PATJ: variants seen among roughly 807,000 people sequenced by gnomAD.
The protein encoded by PATJ is inaD-like protein.
Under a neutral mutation model 224.9 loss-of-function variants are expected in PATJ, and 190 were observed. The ratio of observed to expected loss-of-function variants is 0.84; its 90% CI spans 0.75 to 0.95. The LOEUF is 0.95. PATJ is among the 40% of genes least tolerant of loss of function. PATJ has a pLI of 0.00. For synonymous variants in PATJ, 769 were observed against 820.3 expected, an observed-to-expected ratio of 0.94 and a Z score of 1.07; for missense variants, 2,121 against 2,270.3, an observed-to-expected ratio of 0.93 and a Z score of 1.34.
intron 27 of PATJ, among the ~76,000 whole-genome samples, chr1:61,986,566 C>T (rs1359982171): frequency 1.3e-5 from 2 of 152,032 alleles, no homozygotes; most frequent in Non-Finnish European, 1.5e-5. Context: ...ATTATAGGCG[C>T]GTGCCGCTAT....
chr1:61,747,681 A>G (rs923855682), intron 1 of PATJ, among the ~76,000 whole-genome samples: 1 of 152,186 alleles, frequency 6.6e-6, no homozygotes, highest in African/African-American at 2.4e-5. Flanking sequence ...TAGAGACCAT[A>G]TGAGCTGAAC....
At chr1:61,797,889 G>T (rs1167646893) in intron 11 of PATJ, among the ~76,000 whole-genome samples, 2 of 150,856 alleles carry the variant, frequency 1.3e-5, no homozygotes, top group East Asian at 3.9e-4. Flanking sequence ...TGCAACCTCT[G>T]CCTCCTGGGT....
At chr1:62,057,514 G>A (rs934736979) in intron 31 of PATJ, among the ~76,000 whole-genome samples, 2 of 152,192 alleles carry the variant, frequency 1.3e-5, no homozygotes, top group Admixed American at 6.5e-5. Context: ...CAGAGCGGAC[G>A]CTGATGCCCT....
rs770561185 is a variant in PATJ, at chr1:61,748,475, C to G, written c.-36+5920C>G. On this transcript the variant is annotated intron_variant, in intron 1 of 43. Coordinates refer to ENST00000642238, the MANE Select transcript of PATJ (RefSeq NM_001350145.3). ...TTCACCATGTTGGCCAGGCTGGTCT[C>G]GAACTCCTGACCTCAAGTGATACGC... 4.4e-4 allele frequency among the ~76,000 whole-genome samples: 66 copies of G among 150,896 alleles called. 1 individual carries two copies. The highest frequency in any genetic ancestry group is 5.9e-4 in the Non-Finnish European group (40 of 67,826).
At chr1:62,097,517 C>T (rs768648509) in intron 33 of PATJ, among the ~76,000 whole-genome samples, 17 of 152,120 alleles carry the variant, frequency 1.1e-4, no homozygotes, top group Admixed American at 2.6e-4. Context: ...GATGAAACAG[C>T]ATGTGGAGAG....
chr1:61,847,090 T>C lies in PATJ; in HGVS notation c.2113-8940T>C, dbSNP rs1429500776. Among the ~76,000 whole-genome samples, 8 of 152,310 alleles carry C rather than the reference T, an allele frequency of 5.3e-5. No individual in the cohort carries two copies. The East Asian group carries it at 1.5e-3, about 29-fold the overall frequency. On this transcript the variant is annotated intron_variant, in intron 17 of 43. Coordinates refer to ENST00000642238, the MANE Select transcript of PATJ (RefSeq NM_001350145.3). ...ACAATTCCAGCATAACATAAAATTT[T>C]CAAGAGATGAAACATCCAAGGAATG...
chr1:62,119,016 A>AC, intron 37 of PATJ, among the ~76,000 whole-genome samples: 1 of 147,164 alleles, frequency 6.8e-6, no homozygotes, highest in Non-Finnish European at 1.5e-5. Flanking sequence ...AAAAAAAAAA[A>AC]ACCTATCGTC....
Position 61,861,646 on chromosome 1 carries a change from T to G in PATJ, c.2418T>G (p.Ser806=). 1 of 1,433,932 alleles carries G rather than the reference T, an allele frequency of 7.0e-7. No individual in the cohort carries two copies. The highest frequency in any genetic ancestry group is 9.4e-7 in the Non-Finnish European group (1 of 1,068,170). The allele number at this position is 1,433,932 out of a possible 1,614,324, so 88.8% of individuals were successfully genotyped here. A position where few individuals can be genotyped will look rare whatever the true frequency, so the allele number is the denominator to read the frequency against. The part of the protein sequence containing the change: ...FSGTIHDINS[S]LILEAPKGFR... ...GAACAATTCATGATATAAATTCATCTTTAATACTCGAAGCACCCAAGGTAT... is the reference window on the plus strand; with the variant it reads ...GAACAATTCATGATATAAATTCATCGTTAATACTCGAAGCACCCAAGGTAT... Residue 806 remains serine (S), a synonymous_variant, in exon 19 of 44, where the codon TCT becomes TCG. Coordinates refer to ENST00000642238, the MANE Select transcript of PATJ (RefSeq NM_001350145.3).
intron 1 of PATJ, among the ~76,000 whole-genome samples, chr1:61,750,368 T>C (rs1645251620): frequency 6.6e-6 from 1 of 152,164 alleles, no homozygotes; most frequent in Non-Finnish European, 1.5e-5. Flanking sequence ...TTAGTGGATG[T>C]TGCTTTGACA....
chr1:61,952,172 G>C (rs959824477), intron 27 of PATJ: 2 of 482,618 alleles, frequency 4.1e-6, no homozygotes, highest in Non-Finnish European at 7.5e-6. Context: ...TTTAGCTTGA[G>C]GACTAGCTTG....
At chr1:61,860,097 T>A (rs1157900551) in intron 18 of PATJ, among the ~76,000 whole-genome samples, 1 of 152,226 alleles carries the variant, frequency 6.6e-6, no homozygotes, top group South Asian at 2.1e-4. Flanking sequence ...TGTATATATC[T>A]ATACACTTCA....
chr1:61,833,635 A>C lies in PATJ; in HGVS notation c.1981-19A>C, dbSNP rs751470002. On this transcript the variant is annotated intron_variant, in intron 16 of 43. Coordinates refer to ENST00000642238, the MANE Select transcript of PATJ (RefSeq NM_001350145.3). ...GAAAGCATAGTGTTTTGAAGCATTT[A>C]TCTTCTTTGGTATTTCAGGTTGACC... 6.3e-7 allele frequency: 1 copy of C among 1,599,288 alleles called. No homozygotes were observed. Among genetic ancestry groups the C allele is most frequent in the Non-Finnish European group, 8.5e-7 (1 of 1,174,280 alleles).
At chr1:62,117,918 C>G (rs1460821214) in intron 37 of PATJ, among the ~76,000 whole-genome samples, 1 of 152,096 alleles carries the variant, frequency 6.6e-6, no homozygotes, top group Non-Finnish European at 1.5e-5. Context: ...GATAGGCCGC[C>G]TTAGTTTTGA....
intron 42 of PATJ, among the ~76,000 whole-genome samples, chr1:62,149,346 G>A (rs561582629): frequency 6.6e-6 from 1 of 152,236 alleles, no homozygotes; most frequent in Admixed American, 6.5e-5. Context: ...AGCAGTGCCT[G>A]GTCACTAGTA....
intron 3 of PATJ, among the ~76,000 whole-genome samples, chr1:61,763,569 A>T (rs914111422): frequency 2.6e-5 from 4 of 151,940 alleles, no homozygotes; most frequent in African/African-American, 9.7e-5. Context: ...GTTTTAGAAT[A>T]TGGTTTTTGT....
intron 27 of PATJ, among the ~76,000 whole-genome samples, chr1:61,936,704 TG>T (rs1188720692): frequency 6.6e-6 from 1 of 152,010 alleles, no homozygotes; most frequent in Non-Finnish European, 1.5e-5. Context: ...CCCAAGTAGC[TG>T]GGATTACAGG....
At chr1:62,083,523 C>A (rs1380854989) in intron 32 of PATJ, among the ~76,000 whole-genome samples, 1 of 152,128 alleles carries the variant, frequency 6.6e-6, no homozygotes, top group Non-Finnish European at 1.5e-5. Context: ...TTTTCTTAGC[C>A]TATAAACATT....
intron 17 of PATJ, among the ~76,000 whole-genome samples, chr1:61,848,728 T>C (rs1009356540): frequency 1.3e-5 from 2 of 152,184 alleles, no homozygotes; most frequent in Admixed American, 6.5e-5. Context: ...TTAAACTTAA[T>C]GGTTTCTTTC....
chr1:61,852,052 T>C (rs1212819815), intron 17 of PATJ, among the ~76,000 whole-genome samples: 1 of 145,668 alleles, frequency 6.9e-6, no homozygotes, highest in Non-Finnish European at 1.5e-5. Flanking sequence ...CACACACCTG[T>C]AACATCAGCT....
Sources: gnomAD v4.1 joint callset for allele counts (sites outside exome capture counted in the v4.1 genomes callset) on GRCh38, gnomAD v4.1.1 for gene constraint, MANE v1.5 for transcripts, NCBI Gene and HGNC (gene_info 2026-07-23, HGNC 2026-07-21) for gene names.